GRIK1: variants seen among roughly 807,000 people sequenced by gnomAD.
The protein encoded by GRIK1 is glutamate receptor ionotropic, kainate 1.
In GRIK1, 69 loss-of-function variants were observed where a neutral mutation model predicts 105.7. That is an observed-to-expected ratio of 0.65 (90% CI 0.54 to 0.80). GRIK1 has a LOEUF of 0.80. Ranked by LOEUF, GRIK1 falls within the 30% of genes least tolerant of loss-of-function variation. GRIK1 has a pLI of 0.00. For synonymous variants in GRIK1, 438 were observed against 431.3 expected, an observed-to-expected ratio of 1.02 and a Z score of -0.19; for missense variants, 1,109 against 1,167.3, an observed-to-expected ratio of 0.95 and a Z score of 0.73.
chr21:29,747,564 C>CTCACACCTATA (rs1185956876), intron 1 of GRIK1, among the ~76,000 whole-genome samples: 2 of 152,176 alleles, frequency 1.3e-5, no homozygotes, highest in Non-Finnish European at 2.9e-5. Context: ...GGCCGGGTGG[C>CTCACACCTATA]TCACACCTAT....
chr21:29,844,888 C>T (rs1168898769), intron 1 of GRIK1, among the ~76,000 whole-genome samples: 11 of 152,100 alleles, frequency 7.2e-5, no homozygotes, highest in African/African-American at 1.4e-4. Context: ...AGGAAAATTT[C>T]GTTTTGTTCC....
chr21:29,613,909 G>C (rs363445), intron 7 of GRIK1, among the ~76,000 whole-genome samples: 1 of 152,050 alleles, frequency 6.6e-6, no homozygotes, highest in Non-Finnish European at 1.5e-5. Flanking sequence ...ATGGGAAAAT[G>C]GTTTTTAATA....
At chr21:29,726,230 G>A (rs2064455189) in intron 1 of GRIK1, among the ~76,000 whole-genome samples, 1 of 152,160 alleles carries the variant, frequency 6.6e-6, no homozygotes, top group Admixed American at 6.6e-5. Context: ...AATGAGGATA[G>A]TTTCAAGGCC....
At chr21:29,900,462 G>GAA (rs796090417) in intron 1 of GRIK1, among the ~76,000 whole-genome samples, 12 of 76,964 alleles carry the variant, frequency 1.6e-4, no homozygotes, top group East Asian at 3.8e-4. Flanking sequence ...TGGAAAGCAA[G>GAA]AAAAAAAAAA....
intron 7 of GRIK1, among the ~76,000 whole-genome samples, chr21:29,629,731 T>C (rs1264213934): frequency 6.6e-6 from 1 of 152,156 alleles, no homozygotes; most frequent in Non-Finnish European, 1.5e-5. Flanking sequence ...CCTTGTGATC[T>C]GCCTGCCTCG....
intron 1 of GRIK1, among the ~76,000 whole-genome samples, chr21:29,931,456 G>C (rs892285649): frequency 6.6e-6 from 1 of 152,172 alleles, no homozygotes; most frequent in African/African-American, 2.4e-5. Flanking sequence ...TGCATCACCT[G>C]TTATCAAGCG....
intron 14 of GRIK1, among the ~76,000 whole-genome samples, chr21:29,569,150 C>G (rs983517157): frequency 5.9e-5 from 9 of 152,198 alleles, no homozygotes; most frequent in Non-Finnish European, 1.2e-4. Context: ...GCAGAGATGA[C>G]TGACAGTAAG....
chr21:29,886,391 T>C (rs555731096), intron 1 of GRIK1, among the ~76,000 whole-genome samples: 12 of 152,280 alleles, frequency 7.9e-5, no homozygotes, highest in African/African-American at 2.6e-4. Context: ...TTTGAAGATA[T>C]AGAACTGGGC....
chr21:29,828,301 C>G (rs2067530870), intron 1 of GRIK1, among the ~76,000 whole-genome samples: 1 of 151,882 alleles, frequency 6.6e-6, no homozygotes, highest in Non-Finnish European at 1.5e-5. Flanking sequence ...CTGCCACAAA[C>G]CCTAAATCAT....
chr21:29,906,215 A>T (rs959766405), intron 1 of GRIK1, among the ~76,000 whole-genome samples: 6 of 152,202 alleles, frequency 3.9e-5, no homozygotes, highest in Non-Finnish European at 5.9e-5. Flanking sequence ...GTGTGCTACA[A>T]CTTATTGCTG....
At position 29,588,946 on chromosome 21, in the gene GRIK1, T is replaced by C. The variant is rs751782726; in HGVS notation, c.1462A>G (p.Asn488Asp). The C allele has an allele frequency of 6.2e-7, 1 of 1,602,614 alleles. No individual in the cohort carries two copies. Among genetic ancestry groups the C allele is most frequent in the Non-Finnish European group, 8.6e-7 (1 of 1,169,560 alleles). The part of the protein sequence containing the change: ...YCLDLLKELS[N>D]ILGFIYDVKL... ...ACATCATAAATGAAACCCAGGATGTTTGACAATTCTTTCAACAGGTCTAGG... is the reference window on the plus strand; with the variant it reads ...ACATCATAAATGAAACCCAGGATGTCTGACAATTCTTTCAACAGGTCTAGG... The change falls in exon 11 of 18, where the codon AAC (asparagine) becomes GAC (aspartate). Residue 488 changes from asparagine to aspartate, a missense_variant. Asn to Asp is a conservative substitution (Grantham distance 23). Around this residue, in one of 5 missense-constraint regions of GRIK1, gnomAD observed 54 missense variants for 88.1 expected, o/e 0.61. Coordinates refer to ENST00000327783, the MANE Select transcript of GRIK1 (RefSeq NM_001330994.2).
At chr21:29,791,226 G>A (rs571131790) in intron 1 of GRIK1, among the ~76,000 whole-genome samples, 6 of 152,226 alleles carry the variant, frequency 3.9e-5, no homozygotes, top group South Asian at 2.1e-4. Flanking sequence ...TTTATCCTCA[G>A]TGTGATGGAA....
At chr21:29,676,121 G>A (rs2146657661) in intron 3 of GRIK1, among the ~76,000 whole-genome samples, 1 of 152,202 alleles carries the variant, frequency 6.6e-6, no homozygotes. Context: ...ACCAATAGAG[G>A]AAATAGGAGA....
Position 29,852,298 on chromosome 21 carries a change from T to G in GRIK1, c.118+87085A>C, listed in dbSNP as rs528053664. On this transcript the variant is annotated intron_variant, in intron 1 of 17. Transcript: ENST00000327783. The stretch of plus-strand genomic sequence containing the variant: ...CACTTTCCTTGCGCTTAAATGCAAA[T>G]AGTGACTGTTACTATTCACATCTGA... 9.2e-5 allele frequency among the ~76,000 whole-genome samples: 14 copies of G among 152,350 alleles called. No individual in the cohort carries two copies. In the East Asian group the frequency reaches 2.7e-3, roughly 29 times the overall value.
At chr21:29,770,501 C>T (rs78755082) in intron 1 of GRIK1, among the ~76,000 whole-genome samples, 2,937 of 152,270 alleles carry the variant, frequency 0.019, 111 homozygotes, top group African/African-American at 0.067. Flanking sequence ...CACATGTAGC[C>T]ACCACTGTCT....
At chr21:29,900,171 C>A (rs972566637) in intron 1 of GRIK1, among the ~76,000 whole-genome samples, 1 of 151,444 alleles carries the variant, frequency 6.6e-6, no homozygotes, top group African/African-American at 2.4e-5. Context: ...CCAGCCACTG[C>A]AAAAACATGC....
Position 29,591,126 on chromosome 21 carries a change from C to T in GRIK1, c.1351G>A (p.Val451Ile). 1.3e-6 allele frequency: 2 copies of T among 1,579,264 alleles called. No individual in the cohort carries two copies. Among genetic ancestry groups the T allele is most frequent in the South Asian group, 1.1e-5 (1 of 90,408 alleles). ...AGTCAACTTACCAGAATGGTGGTGACAATGAGTGTTCTGTTGGCCAATGAA... is the reference window on the plus strand; with the variant it reads ...AGTCAACTTACCAGAATGGTGGTGATAATGAGTGTTCTGTTGGCCAATGAA... ...TDSLANRTLI[V>I]TTILEEPYVM... The change falls in exon 10 of 18, where the codon GTC (valine) becomes ATC (isoleucine). Residue 451 changes from valine to isoleucine, a missense_variant. Val to Ile is a conservative substitution (Grantham distance 29). Around this residue, in one of 5 missense-constraint regions of GRIK1, gnomAD observed 612 missense variants for 586.0 expected, o/e 1.04. Transcript: ENST00000327783.
At chr21:29,640,995 A>G (rs991401509) in intron 7 of GRIK1, among the ~76,000 whole-genome samples, 1 of 152,156 alleles carries the variant, frequency 6.6e-6, no homozygotes, top group Non-Finnish European at 1.5e-5. Flanking sequence ...GAATGAGGCT[A>G]TTCTTAGTGG....
At chr21:29,665,242 ATTG>A (rs373473985) in intron 4 of GRIK1, among the ~76,000 whole-genome samples, 10 of 152,294 alleles carry the variant, frequency 6.6e-5, no homozygotes, top group African/African-American at 2.4e-4. Context: ...CCTTTAGTAA[ATTG>A]TTGGTTATCC....
Sources: gnomAD v4.1 joint callset for allele counts (sites outside exome capture counted in the v4.1 genomes callset) on GRCh38, gnomAD v4.1.1 for gene constraint, gnomAD v4.1.1 regional missense constraint, MANE v1.5 for transcripts, NCBI Gene and HGNC (gene_info 2026-07-23, HGNC 2026-07-21) for gene names.